WASF3: variants seen among roughly 807,000 people sequenced by gnomAD.
WASF3 encodes WASP family member 3.
WASF3 carries 11 observed loss-of-function variants against 46.6 expected under a neutral mutation model. That is an observed-to-expected ratio of 0.24 (90% CI 0.15 to 0.39). The LOEUF (loss-of-function observed/expected upper bound fraction) is 0.39. Among genes scored for constraint, WASF3 ranks in the 10% least tolerant of loss-of-function variants. The pLI is 1.00. For synonymous variants in WASF3, 242 were observed against 259.7 expected (o/e 0.93, Z 0.65); for missense variants, 576 against 669.8 (o/e 0.86, Z 1.55).
intron 1 of WASF3, among the ~76,000 whole-genome samples, chr13:26,569,245 A>G (rs1879561774): frequency 6.6e-6 from 1 of 151,924 alleles, no homozygotes; most frequent in African/African-American, 2.4e-5. Context: ...TTTGAACAAA[A>G]CAATTAATAA....
At chr13:26,582,859 ATG>A (rs1208559924) in intron 1 of WASF3, among the ~76,000 whole-genome samples, 1 of 152,146 alleles carries the variant, frequency 6.6e-6, no homozygotes, top group Non-Finnish European at 1.5e-5. Flanking sequence ...TCAGATCTGT[ATG>A]TGTGTTCTGA....
intron 2 of WASF3, 65 bp from the exon 3 acceptor site, chr13:26,642,196 A>G (rs1882017916): frequency 3.5e-6 from 5 of 1,446,112 alleles, no homozygotes; most frequent in Non-Finnish European, 4.6e-6. Flanking sequence ...TTTCAAGGGA[A>G]TTAAAATTCC....
At chr13:26,587,295 A>G (rs899712493) in intron 1 of WASF3, among the ~76,000 whole-genome samples, 6 of 151,466 alleles carry the variant, frequency 4.0e-5, no homozygotes, top group South Asian at 2.1e-4. Context: ...TGAAAATTCA[A>G]TTCTAAATAA....
chr13:26,559,197 C>T (rs184516663), intron 1 of WASF3, among the ~76,000 whole-genome samples: 1 of 152,264 alleles, frequency 6.6e-6, no homozygotes, highest in East Asian at 1.9e-4. Context: ...CAGTGTAGTA[C>T]TCATTTTTCT....
chr13:26,626,143 T>G (rs1881457017), intron 2 of WASF3: 1 of 152,094 alleles, frequency 6.6e-6, no homozygotes, highest in South Asian at 2.1e-4. Flanking sequence ...GGAGAGAGAT[T>G]GGGTTCAACT....
At chr13:26,639,009 GT>G (rs146572297) in intron 2 of WASF3, among the ~76,000 whole-genome samples, 22 of 152,300 alleles carry the variant, frequency 1.4e-4, no homozygotes, top group African/African-American at 5.3e-4. Flanking sequence ...TCCACCATGA[GT>G]GGAAGCAGCC....
intron 1 of WASF3, among the ~76,000 whole-genome samples, chr13:26,584,670 G>A (rs543314758): frequency 4.8e-4 from 73 of 152,284 alleles, no homozygotes; most frequent in African/African-American, 1.7e-3. Flanking sequence ...TAAGGAATTT[G>A]TAAAGCATTC....
chr13:26,598,592 G>A (rs370156106), intron 1 of WASF3, among the ~76,000 whole-genome samples: 31 of 152,214 alleles, frequency 2.0e-4, no homozygotes, highest in African/African-American at 6.8e-4. Context: ...GGGCTTTGAA[G>A]TAGCATTAAT....
chr13:26,547,419 CA>C, the WASF3 span, among the ~76,000 whole-genome samples: 40 of 151,718 alleles, frequency 2.6e-4, no homozygotes, highest in Non-Finnish European at 4.1e-4. Flanking sequence ...CACACACACA[CA>C]CACACACCCA....
intron 3 of WASF3, among the ~76,000 whole-genome samples, chr13:26,649,342 A>G (rs1882243543): frequency 6.6e-6 from 1 of 152,198 alleles, no homozygotes; most frequent in East Asian, 1.9e-4. Flanking sequence ...TAGAAGCAAG[A>G]CCCACAGATG....
chr13:26,576,273 A>G (rs1030188937), intron 1 of WASF3, among the ~76,000 whole-genome samples: 1 of 151,664 alleles, frequency 6.6e-6, no homozygotes, highest in Non-Finnish European at 1.5e-5. Flanking sequence ...CTCTACTATG[A>G]CTTTTTCTTT....
chr13:26,666,763 G>A (rs1342106843), intron 4 of WASF3, among the ~76,000 whole-genome samples: 1 of 151,746 alleles, frequency 6.6e-6, no homozygotes, highest in Non-Finnish European at 1.5e-5. Flanking sequence ...GCCGGTCGTG[G>A]TGGCGGGTGC....
intron 3 of WASF3, among the ~76,000 whole-genome samples, chr13:26,658,046 G>A (rs550652214): frequency 1.8e-4 from 28 of 152,290 alleles, no homozygotes; most frequent in African/African-American, 6.5e-4. Flanking sequence ...TGCTTATGCA[G>A]CATCGAGCTG....
At chr13:26,631,604 G>A (rs1445137563) in intron 2 of WASF3, among the ~76,000 whole-genome samples, 7 of 152,126 alleles carry the variant, frequency 4.6e-5, no homozygotes, top group Admixed American at 6.5e-5. Context: ...GTCAGGTAGC[G>A]TGATGCCTCC....
intron 3 of WASF3, among the ~76,000 whole-genome samples, chr13:26,664,429 G>A (rs675023): frequency 0.013 from 2,036 of 152,238 alleles, 50 homozygotes; most frequent in African/African-American, 0.046. Context: ...AAGAAAAGTG[G>A]GAGTTATATC....
Position 26,632,628 on chromosome 13 carries a change from A to G in WASF3, c.-10-9633A>G, listed in dbSNP as rs560809210. 2.0e-5 allele frequency among the ~76,000 whole-genome samples: 3 copies of G among 152,280 alleles called. No homozygotes were observed. The South Asian group carries it at 6.2e-4, about 32-fold the overall frequency. The stretch of plus-strand genomic sequence containing the variant: ...AGTTCATCAGGGATATTGATCTAAA[A>G]TTCTCTTTGTTTATTGTGTCTCTGC... On this transcript the variant is annotated intron_variant, in intron 2 of 9. Transcript: ENST00000335327.
At chr13:26,643,337 G>C (rs915284420) in intron 3 of WASF3, among the ~76,000 whole-genome samples, 1 of 151,964 alleles carries the variant, frequency 6.6e-6, no homozygotes, top group Non-Finnish European at 1.5e-5. Context: ...CAAGCGAAGG[G>C]CAAATTTTTT....
intron 2 of WASF3, chr13:26,638,118 G>A (rs1430698746): frequency 6.6e-6 from 1 of 152,182 alleles, no homozygotes; most frequent in Non-Finnish European, 1.5e-5. Context: ...AGCCGATGAG[G>A]GGTTCTTGTC....
chr13:26,583,110 A>T (rs2137171654), intron 1 of WASF3, among the ~76,000 whole-genome samples: 1 of 152,328 alleles, frequency 6.6e-6, no homozygotes, highest in South Asian at 2.1e-4. Flanking sequence ...TTGGACAGTT[A>T]CTGTGGATAG....
Sources: allele counts gnomAD v4.1 joint callset (sites outside exome capture counted in the v4.1 genomes callset), GRCh38; gene constraint gnomAD v4.1.1; transcripts MANE v1.5; gene names NCBI Gene and HGNC (gene_info 2026-07-23, HGNC 2026-07-21).